SCFD2: variants seen among roughly 807,000 people sequenced by gnomAD.
The protein encoded by SCFD2 is sec1 family domain-containing protein 2.
SCFD2 carries 54 observed loss-of-function variants against 58.9 expected under a neutral mutation model. The ratio of observed to expected loss-of-function variants is 0.92; its 90% CI spans 0.74 to 1.15. The LOEUF (loss-of-function observed/expected upper bound fraction) is 1.15. Among genes scored for constraint, SCFD2 ranks in the 50% most tolerant of loss-of-function variants. The pLI, the probability that SCFD2 is intolerant of heterozygous loss-of-function variation, is 0.00. For missense variants in SCFD2, 805 were observed against 836.6 expected, an observed-to-expected ratio of 0.96 and a Z score of 0.47; for synonymous variants, 321 against 335.9, an observed-to-expected ratio of 0.96 and a Z score of 0.49.
intron 5 of SCFD2, among the ~76,000 whole-genome samples, chr4:53,129,233 CAAAA>C (rs1725718857): frequency 6.6e-6 from 1 of 151,308 alleles, no homozygotes. Flanking sequence ...CAAAACAAAA[CAAAA>C]CAAAACAAAA....
intron 6 of SCFD2, among the ~76,000 whole-genome samples, chr4:52,911,780 C>G (rs894047830): frequency 6.6e-6 from 1 of 152,172 alleles, no homozygotes; most frequent in Non-Finnish European, 1.5e-5. Flanking sequence ...TCTCTCAATT[C>G]CAAACCCTCT....
chr4:53,185,533 C>A (rs933929070), intron 4 of SCFD2, among the ~76,000 whole-genome samples: 3 of 152,036 alleles, frequency 2.0e-5, no homozygotes, highest in African/African-American at 4.8e-5. Context: ...TGTTCCCTGG[C>A]AGGGTCCTAC....
intron 1 of SCFD2, among the ~76,000 whole-genome samples, chr4:53,355,363 G>C (rs1734371072): frequency 6.6e-6 from 1 of 152,126 alleles, no homozygotes; most frequent in Admixed American, 6.5e-5. Flanking sequence ...CTAGAAGATA[G>C]ACATGTTAAC....
chr4:53,152,762 C>G (rs187701774), intron 4 of SCFD2, among the ~76,000 whole-genome samples: 1 of 152,236 alleles, frequency 6.6e-6, no homozygotes, highest in East Asian at 1.9e-4. Flanking sequence ...TCAAATAAAG[C>G]TATTTACTTC....
At chr4:53,324,193 G>A (rs1159713400) in intron 2 of SCFD2, among the ~76,000 whole-genome samples, 1 of 151,980 alleles carries the variant, frequency 6.6e-6, no homozygotes, top group Non-Finnish European at 1.5e-5. Context: ...AAGGCAGGAG[G>A]ATCGCTTGAG....
At chr4:53,112,997 C>T (rs1725215468) in intron 5 of SCFD2, among the ~76,000 whole-genome samples, 1 of 152,072 alleles carries the variant, frequency 6.6e-6, no homozygotes, top group African/African-American at 2.4e-5. Context: ...ACTGGCTTCT[C>T]ATAGCTCTTA....
chr4:53,240,617 A>G lies in SCFD2; in HGVS notation c.1311+33209T>C, dbSNP rs77252854. Reference sequence around the variant, plus strand: ...ACGTTTGTCCAAAAATATTTAAAACATTTCATTCAAAACAACTTCTGATTA... The same window carrying G: ...ACGTTTGTCCAAAAATATTTAAAACGTTTCATTCAAAACAACTTCTGATTA... On this transcript the variant is annotated intron_variant, in intron 4 of 8. Coordinates refer to ENST00000401642, the MANE Select transcript of SCFD2 (RefSeq NM_152540.4). 5.6e-4 allele frequency among the ~76,000 whole-genome samples: 85 copies of G among 152,376 alleles called. 1 individual carries two copies. The East Asian group carries it at 0.015, about 26-fold the overall frequency.
chr4:53,308,361 T>C (rs1732580237), intron 3 of SCFD2, among the ~76,000 whole-genome samples: 1 of 152,210 alleles, frequency 6.6e-6, no homozygotes, highest in Non-Finnish European at 1.5e-5. Flanking sequence ...CCAGATGTTC[T>C]CATCCTTTAT....
intron 3 of SCFD2, among the ~76,000 whole-genome samples, chr4:53,300,106 C>A (rs1341429044): frequency 2.0e-5 from 3 of 152,082 alleles, no homozygotes; most frequent in African/African-American, 7.2e-5. Flanking sequence ...CAATACTAAC[C>A]TTAAATGTAA....
chr4:53,191,858 C>A (rs1355843740), intron 4 of SCFD2, among the ~76,000 whole-genome samples: 2 of 152,188 alleles, frequency 1.3e-5, no homozygotes, highest in African/African-American at 4.8e-5. Flanking sequence ...ACTTCTACTG[C>A]TTGTAACAGT....
intron 4 of SCFD2, among the ~76,000 whole-genome samples, chr4:53,174,020 C>T (rs1235836930): frequency 2.6e-5 from 4 of 151,958 alleles, no homozygotes; most frequent in Non-Finnish European, 5.9e-5. Context: ...TTATCAAAAA[C>T]TACCTGATAT....
At chr4:53,271,935 C>T (rs557516388) in intron 4 of SCFD2, among the ~76,000 whole-genome samples, 2 of 152,226 alleles carry the variant, frequency 1.3e-5, no homozygotes, top group Admixed American at 1.3e-4. Flanking sequence ...AATGGGAGAA[C>T]ATTTTTGCAA....
intron 3 of SCFD2, among the ~76,000 whole-genome samples, chr4:53,290,882 CAT>C (rs988636783): frequency 3.9e-5 from 6 of 151,966 alleles, no homozygotes; most frequent in African/African-American, 1.4e-4. Flanking sequence ...AGAAATGTAA[CAT>C]AGTAAAATTG....
At position 53,365,789 on chromosome 4, in the gene SCFD2, A is replaced by AC; in HGVS notation, c.152dup (p.Pro52SerfsTer2). The AC allele has an allele frequency of 1.2e-6, 2 of 1,611,910 alleles. No individual in the cohort carries two copies. Among genetic ancestry groups the AC allele is most frequent in the Non-Finnish European group, 1.7e-6 (2 of 1,179,326 alleles). On this transcript the variant is annotated frameshift_variant, in exon 1 of 9. Coordinates refer to ENST00000401642, the MANE Select transcript of SCFD2 (RefSeq NM_152540.4). LOFTEE classifies it high-confidence loss of function. The surrounding 1 kb of genome is among the most constrained non-coding windows in gnomAD (Gnocchi z 4.3). ...CGAACTCTCGCAGGTGACAGTCAGG[A>AC]CCCCCCACCGCCTCCAGGAGACGGG... is the stretch of plus-strand genomic sequence containing the variant.
chr4:52,976,150 G>T (rs915096271), intron 5 of SCFD2, among the ~76,000 whole-genome samples: 3 of 152,020 alleles, frequency 2.0e-5, no homozygotes, highest in Non-Finnish European at 4.4e-5. Flanking sequence ...TTGTGTACAT[G>T]TACCCTAAAA....
At chr4:53,341,151 ACTTCTCCAAG>A (rs1049008058) in intron 2 of SCFD2, among the ~76,000 whole-genome samples, 2 of 152,138 alleles carry the variant, frequency 1.3e-5, no homozygotes, top group Admixed American at 1.3e-4. Context: ...AGATGACCAA[ACTTCTCCAAG>A]CTAAAGGAGG....
chr4:53,350,899 A>C (rs1346889219), intron 2 of SCFD2, among the ~76,000 whole-genome samples: 2 of 152,104 alleles, frequency 1.3e-5, no homozygotes, highest in Non-Finnish European at 2.9e-5. Context: ...TAGTAGAGAC[A>C]GGGTTTCACC....
intron 4 of SCFD2, among the ~76,000 whole-genome samples, chr4:53,161,080 T>C (rs1228353042): frequency 6.6e-6 from 1 of 152,118 alleles, no homozygotes; most frequent in Non-Finnish European, 1.5e-5. Flanking sequence ...AATATATAAC[T>C]ATATCCATGT....
chr4:53,211,403 A>C (rs2148981094), intron 4 of SCFD2, among the ~76,000 whole-genome samples: 1 of 152,054 alleles, frequency 6.6e-6, no homozygotes, highest in East Asian at 1.9e-4. Context: ...CCTTTGTAGT[A>C]TCTTTTATAA....
Sources: gnomAD v4.1 joint callset for allele counts (sites outside exome capture counted in the v4.1 genomes callset) on GRCh38, gnomAD v4.1.1 for gene constraint, Gnocchi (gnomAD v3.1) non-coding constraint, MANE v1.5 for transcripts, NCBI Gene and HGNC (gene_info 2026-07-23, HGNC 2026-07-21) for gene names.